Variants in KRT33B observed in about 807,000 individuals in gnomAD.
KRT33B encodes keratin 33B, also known as keratin, type I cuticular Ha3-II.
KRT33B carries 37 observed loss-of-function variants against 42.7 expected under a neutral mutation model. The observed-to-expected ratio is 0.87, with a 90% CI of 0.67 to 1.14. The LOEUF (loss-of-function observed/expected upper bound fraction) is 1.14, where lower values mean the gene tolerates loss of function less well. Among genes scored for constraint, KRT33B ranks in the 50% most tolerant of loss-of-function variants. The pLI is 0.00. For synonymous variants in KRT33B, 237 were observed against 221.2 expected (o/e 1.07, Z -0.63); for missense variants, 523 against 515.1 (o/e 1.02, Z -0.15).
intron 3 of KRT33B, among the ~76,000 whole-genome samples, chr17:41,365,923 CAT>C (rs201817251): frequency 0.011 from 1,616 of 151,430 alleles, 111 homozygotes; most frequent in African/African-American, 0.038. Flanking sequence ...GAGTATGACA[CAT>C]GTTTTCATCA....
chr17:41,363,700 T>G lies in KRT33B; in HGVS notation c.*136A>C, dbSNP rs766277824. 1.4e-5 allele frequency: 9 copies of G among 625,482 alleles called. No homozygotes were observed. Among genetic ancestry groups the G allele is most frequent in the Admixed American group, 1.3e-4 (5 of 38,960 alleles). 38.7% of individuals were successfully genotyped at this position (625,482 alleles called of 1,614,324 possible). ...AGAGTCAGACCCAAACGCTGGGCATTTGTTCTCCTTCCAGACCATGATTTG... is the reference window on the plus strand; with the variant it reads ...AGAGTCAGACCCAAACGCTGGGCATGTGTTCTCCTTCCAGACCATGATTTG... On this transcript the variant is annotated 3_prime_UTR_variant, in exon 7 of 7. Coordinates refer to ENST00000251646, the MANE Select transcript of KRT33B (RefSeq NM_002279.5).
chr17:41,368,610 G>C (rs1342017232), intron 1 of KRT33B, among the ~76,000 whole-genome samples: 2 of 151,170 alleles, frequency 1.3e-5, no homozygotes, highest in African/African-American at 4.9e-5. Flanking sequence ...CCCCAGCACT[G>C]TGCCTAACAC....
At position 41,363,917 on chromosome 17, in the gene KRT33B, A is replaced by G; in HGVS notation, c.1134T>C (p.Cys378=). ...PSNPCATTNA[C]EKPIGSCVTN... Reference sequence around the variant, plus strand: ...TGACACAGGATCCAATGGGCTTTTCACATGCATTGGTGGTGGCGCAGGGGT... The same window carrying G: ...TGACACAGGATCCAATGGGCTTTTCGCATGCATTGGTGGTGGCGCAGGGGT... The change falls in exon 7 of 7, where the codon TGT becomes TGC. Residue 378 remains cysteine (C), a synonymous_variant. Coordinates refer to ENST00000251646, the MANE Select transcript of KRT33B (RefSeq NM_002279.5). 6.2e-7 allele frequency: 1 copy of G among 1,611,794 alleles called. No individual in the cohort carries two copies. The highest frequency in any genetic ancestry group is 8.5e-7 in the Non-Finnish European group (1 of 1,179,516).
At chr17:41,364,111 T>C (rs1371564189) in intron 6 of KRT33B, among the ~76,000 whole-genome samples, 158 bp from the exon 7 acceptor site, 1 of 151,220 alleles carries the variant, frequency 6.6e-6, no homozygotes, top group Non-Finnish European at 1.5e-5. Flanking sequence ...TCTGATACAG[T>C]GGCAGAAATG....
chr17:41,366,331 A>G (rs2017699987), intron 3 of KRT33B, 139 bp downstream of exon 3: 6 of 970,474 alleles, frequency 6.2e-6, no homozygotes, highest in Non-Finnish European at 7.5e-6. Context: ...TCATTCCCCA[A>G]CAAGCCCCAA....
chr17:41,369,772 T>C lies in KRT33B; in HGVS notation c.-22A>G. 1 of 1,603,424 alleles carries C rather than the reference T, an allele frequency of 6.2e-7. No homozygotes were observed. Among genetic ancestry groups the C allele is most frequent in the Non-Finnish European group, 8.5e-7 (1 of 1,173,638 alleles). On this transcript the variant is annotated 5_prime_UTR_variant, in exon 1 of 7. Transcript: ENST00000251646. ...GCATGGTGCAGGGAGGCAGTGGAGC[T>C]CTGGAAGTCAGTTTCAAAACCTGAT...
chr17:41,366,696 C>A, intron 2 of KRT33B, 70 bp from the exon 3 acceptor site: 1 of 1,418,020 alleles, frequency 7.1e-7, no homozygotes, highest in Non-Finnish European at 9.6e-7. Context: ...CTTTACTTGG[C>A]TGACTTAGTC....
chr17:41,369,650 G>A lies in KRT33B; in HGVS notation c.101C>T (p.Ala34Val). ...GCTCACATTGGCAGGGATGTTGCAGGCCCCGGGCAGGGTGTAGCCGTGGCA... is the reference window on the plus strand; with the variant it reads ...GCTCACATTGGCAGGGATGTTGCAGACCCCGGGCAGGGTGTAGCCGTGGCA... ...PSCHGYTLPG[A>V]CNIPANVSNC... is the part of the protein sequence containing the mutation. Residue 34 changes from alanine to valine, a missense_variant, in exon 1 of 7, where the codon GCC becomes GTC. Physicochemically the swap from Ala to Val is moderately conservative, Grantham distance 64 (BLOSUM62 0). Transcript: ENST00000251646. 2 of 1,613,796 alleles carry A rather than the reference G, an allele frequency of 1.2e-6. No individual in the cohort carries two copies. The highest frequency in any genetic ancestry group is 1.7e-6 in the Non-Finnish European group (2 of 1,180,026).
In KRT33B at chr17:41,365,225, T is replaced by C; in HGVS notation, c.826A>G (p.Arg276Gly). 1.2e-6 allele frequency: 2 copies of C among 1,612,016 alleles called. No individual in the cohort carries two copies. The highest frequency in any genetic ancestry group is 1.7e-6 in the Non-Finnish European group (2 of 1,180,020). The change falls in exon 5 of 7, where the codon AGA becomes GGA. Residue 276 changes from arginine to glycine, a missense_variant. By Grantham distance (125) the Arg-to-Gly change is moderately radical. Coordinates refer to ENST00000251646, the MANE Select transcript of KRT33B (RefSeq NM_002279.5). Reference sequence around the variant, plus strand: ...ATCTCCAGGGCATTGACTGTGCGTCTCAGCTCGATGATCTCCGCCTGGTAG... The same window carrying C: ...ATCTCCAGGGCATTGACTGTGCGTCCCAGCTCGATGATCTCCGCCTGGTAG... ...QSYQAEIIELRRTVNALEIEL... is the reference protein window; with the variant it reads ...QSYQAEIIELGRTVNALEIEL...
chr17:41,368,541 C>T (rs76516720), intron 1 of KRT33B, among the ~76,000 whole-genome samples: 1,817 of 151,402 alleles, frequency 0.012, 124 homozygotes, highest in African/African-American at 0.043. Context: ...TCTATCTCCC[C>T]TGTTAGACTG....
intron 3 of KRT33B, 97 bp downstream of exon 3, chr17:41,366,373 T>C: frequency 7.2e-7 from 1 of 1,398,200 alleles, no homozygotes; most frequent in Non-Finnish European, 9.7e-7. Context: ...AAAATGTTGT[T>C]AGGCCTAGGG....
At chr17:41,368,825 T>C (rs2017736819) in intron 1 of KRT33B, among the ~76,000 whole-genome samples, 1 of 151,214 alleles carries the variant, frequency 6.6e-6, no homozygotes, top group Non-Finnish European at 1.5e-5. Context: ...CTACACCAGG[T>C]ATTCAGTCCC....
At position 41,363,884 on chromosome 17, in the gene KRT33B, A is replaced by G. The variant is rs1405137199; in HGVS notation, c.1167T>C (p.Pro389=). The change falls in exon 7 of 7, where the codon CCT becomes CCC. Residue 389 remains proline (P), a synonymous_variant. Coordinates refer to ENST00000251646, the MANE Select transcript of KRT33B (RefSeq NM_002279.5). ...GCCCACAGCGGGAACGAGGACCACA[A>G]GGATTGGTGACACAGGATCCAATGG... ...EKPIGSCVTN[P]CGPRSRCGPC... is the part of the protein sequence containing the mutation. 4.3e-6 allele frequency: 7 copies of G among 1,611,744 alleles called. No individual in the cohort carries two copies. Among genetic ancestry groups the G allele is most frequent in the African/African-American group, 2.7e-5 (2 of 73,674 alleles).
At chr17:41,364,748 C>T in intron 6 of KRT33B, 31 bp downstream of exon 6, 2 of 1,611,750 alleles carry the variant, frequency 1.2e-6, no homozygotes, top group Non-Finnish European at 1.7e-6. Context: ...GTGCCTGTCC[C>T]TTGCAGGGGT....
rs1404219523 is a variant in KRT33B at position 41,363,841 on chromosome 17, AC to A, written c.1209del (p.Tyr404ThrfsTer12). 3.1e-6 allele frequency: 5 copies of A among 1,600,062 alleles called. No homozygotes were observed. In the South Asian group the frequency reaches 5.6e-5, roughly 18 times the overall value. On this transcript the variant is annotated frameshift_variant, in exon 7 of 7. Transcript: ENST00000251646. LOFTEE classifies it high-confidence loss of function. ...RSRCGPCNTFGY is the reference protein window; with the variant it reads ...RSRCGPCNTFXY ...TTCTGCTGGCCCCAGGGTATCTAGT[AC>A]CCAAAGGTGTTGCAAGGCCCACAGC... is the stretch of plus-strand genomic sequence containing the variant.
intron 1 of KRT33B, 84 bp from the exon 2 acceptor site, chr17:41,368,074 A>G (rs955784977): frequency 7.7e-7 from 1 of 1,305,932 alleles, no homozygotes; most frequent in South Asian, 1.2e-5. Context: ...TTTCAGCCAC[A>G]TTCCTCCCAA....
chr17:41,367,491 G>A (rs1038558564), intron 2 of KRT33B, among the ~76,000 whole-genome samples: 1 of 151,236 alleles, frequency 6.6e-6, no homozygotes, highest in East Asian at 1.9e-4. Context: ...ATCACTTGAG[G>A]TCAGGAGTTC....
Position 41,365,315 on chromosome 17 carries a change from G to A in KRT33B, c.751-15C>T. 1 of 1,612,668 alleles carries A rather than the reference G, an allele frequency of 6.2e-7. No individual in the cohort carries two copies. The highest frequency in any genetic ancestry group is 8.5e-7 in the Non-Finnish European group (1 of 1,179,884). Reference sequence around the variant, plus strand: ...AGCTCCTCGGTCTGAAACACCCAAGGGGAGAAAGGATCAGACCCTGCCTCC... The same window carrying A: ...AGCTCCTCGGTCTGAAACACCCAAGAGGAGAAAGGATCAGACCCTGCCTCC... On this transcript the variant is annotated splice_polypyrimidine_tract_variant and intron_variant, in intron 4 of 6. Coordinates refer to ENST00000251646, the MANE Select transcript of KRT33B (RefSeq NM_002279.5).
chr17:41,368,530 A>G (rs1458912020), intron 1 of KRT33B, among the ~76,000 whole-genome samples: 1 of 151,340 alleles, frequency 6.6e-6, no homozygotes, highest in Admixed American at 6.6e-5. Flanking sequence ...TTGTTTCCAC[A>G]TCTATCTCCC....
Sources: allele counts gnomAD v4.1 joint callset (sites outside exome capture counted in the v4.1 genomes callset), GRCh38; gene constraint gnomAD v4.1.1; transcripts MANE v1.5; gene names NCBI Gene and HGNC (gene_info 2026-07-23, HGNC 2026-07-21).